The following PDE4D variants were observed in gnomAD, a reference collection of about 807,000 sequenced individuals.
The protein encoded by PDE4D is phosphodiesterase 4D.
A neutral mutation model predicts 87.4 loss-of-function variants in PDE4D; 24 were observed. That is an observed-to-expected ratio of 0.27 (90% CI 0.20 to 0.39). The LOEUF (loss-of-function observed/expected upper bound fraction) is 0.39, where lower values mean the gene tolerates loss of function less well. Among genes scored for constraint, PDE4D ranks in the 10% least tolerant of loss-of-function variants. The pLI is 1.00. For synonymous variants in PDE4D, 384 were observed against 383.2 expected, an observed-to-expected ratio of 1.00 and a Z score of -0.02; for missense variants, 714 against 1,041.0, an observed-to-expected ratio of 0.69 and a Z score of 4.32.
chr5:59,477,373 A>AAAAAAAAAAAAAT (rs1554190139), intron 1 of PDE4D, among the ~76,000 whole-genome samples: 3 of 143,056 alleles, frequency 2.1e-5, no homozygotes, highest in Non-Finnish European at 3.0e-5. Context: ...AAAAAAAAAA[A>AAAAAAAAAAAAAT]ATTAAAGAAT....
At chr5:59,200,684 CAT>C (rs1747078439) in intron 2 of PDE4D, among the ~76,000 whole-genome samples, 1 of 96,806 alleles carries the variant, frequency 1.0e-5, no homozygotes. Flanking sequence ...TACACGTATA[CAT>C]ACATATGTGT....
chr5:60,505,238 A>C (rs1009260347), intron 1 of PDE4D, among the ~76,000 whole-genome samples: 8 of 152,296 alleles, frequency 5.3e-5, no homozygotes, highest in African/African-American at 1.9e-4. Context: ...ACTATTCTCC[A>C]TGCTCGTCAG....
intron 1 of PDE4D, among the ~76,000 whole-genome samples, chr5:60,509,217 A>G (rs930491519): frequency 3.3e-5 from 5 of 152,186 alleles, no homozygotes; most frequent in African/African-American, 1.2e-4. Flanking sequence ...AAGCCATTTC[A>G]CATGACAAAA....
At chr5:59,472,982 G>T (rs1399589594) in intron 1 of PDE4D, among the ~76,000 whole-genome samples, 1 of 148,886 alleles carries the variant, frequency 6.7e-6, no homozygotes, top group African/African-American at 2.5e-5. Context: ...ACAGGAGGAA[G>T]TTTAATCTAG....
Position 60,468,847 on chromosome 5 carries a change from G to T in PDE4D, c.-90+19095C>A, listed in dbSNP as rs372253872. 1.2e-3 allele frequency among the ~76,000 whole-genome samples: 188 copies of T among 152,098 alleles called. 1 individual carries two copies. Among genetic ancestry groups the T allele is most frequent in the African/African-American group, 4.5e-3 (185 of 41,500 alleles). The stretch of plus-strand genomic sequence containing the variant: ...GCCCAGCCTTCCCTCCAATCTTGAA[G>T]CAGTGTCTCTATTTCTTCCTGAGAC... On this transcript the variant is annotated intron_variant, in intron 1 of 16. Transcript: ENST00000502484.
rs1747043438 is a variant in PDE4D, at chr5:59,200,663, GTATGTATAGA to G, written c.648-7137_648-7128del. Among the ~76,000 whole-genome samples the G allele has an allele frequency of 2.6e-5, 2 of 76,952 alleles. 1 individual carries two copies. Among genetic ancestry groups the G allele is most frequent in the Non-Finnish European group, 5.5e-5 (2 of 36,212 alleles). The allele number at this position is 76,952 out of a possible 152,430, so 50.5% of individuals were successfully genotyped here. On this transcript the variant is annotated intron_variant, in intron 2 of 14. Transcript: ENST00000340635. ...CAGATACACGTATACATACATATGT[GTATGTATAGA>G]TACACGTATACATACATATGTGTAT...
intron 1 of PDE4D, among the ~76,000 whole-genome samples, chr5:59,412,436 G>T (rs930281662): frequency 1.3e-5 from 2 of 152,144 alleles, no homozygotes; most frequent in African/African-American, 4.8e-5. Flanking sequence ...ATTACGCTCT[G>T]CTTAGGGCAA....
intron 1 of PDE4D, among the ~76,000 whole-genome samples, chr5:59,348,399 T>A (rs984826249): frequency 6.6e-6 from 1 of 151,862 alleles, no homozygotes; most frequent in Non-Finnish European, 1.5e-5. Context: ...GTGAGAGAAT[T>A]TTTTGGCACA....
intron 2 of PDE4D, among the ~76,000 whole-genome samples, chr5:59,212,356 T>C (rs1750267426): frequency 6.6e-6 from 1 of 151,964 alleles, no homozygotes; most frequent in African/African-American, 2.4e-5. Flanking sequence ...TTTCTAGGAG[T>C]TGGTATCAAA....
chr5:59,834,435 CA>C (rs1280396361), intron 1 of PDE4D, among the ~76,000 whole-genome samples: 1 of 151,924 alleles, frequency 6.6e-6, no homozygotes, highest in Non-Finnish European at 1.5e-5. Context: ...ACCACATTAG[CA>C]AAAGATTTAA....
chr5:60,083,801 A>G (rs1774237540), intron 2 of PDE4D, among the ~76,000 whole-genome samples: 2 of 152,220 alleles, frequency 1.3e-5, no homozygotes, highest in Non-Finnish European at 2.9e-5. Flanking sequence ...ACTTTAAGTA[A>G]CAGTCTTAAT....
At chr5:59,317,580 G>C (rs144431221) in intron 1 of PDE4D, among the ~76,000 whole-genome samples, 1 of 152,020 alleles carries the variant, frequency 6.6e-6, no homozygotes, top group Non-Finnish European at 1.5e-5. Context: ...GTCAGATTAC[G>C]TCTGACTGAA....
Position 58,974,877 on chromosome 5 carries a change from A to G in PDE4D, c.2217T>C (p.Thr739=), listed in dbSNP as rs1370418386. 1 of 1,612,454 alleles carries G rather than the reference A, an allele frequency of 6.2e-7. No homozygotes were observed. ...TGTCTGACTCACCATCTTCCTCTAA[A>G]GTTAGTTCAAACTGGAATTTCTCAG... ...GQTEKFQFEL[T]LEEDGESDTE... Residue 739 remains threonine (T), a synonymous_variant, in exon 15 of 15, where the codon ACT becomes ACC. Coordinates refer to ENST00000340635, the MANE Select transcript of PDE4D (RefSeq NM_001104631.2).
rs1491252291 is a variant in PDE4D, at chr5:60,474,105, C to CATATATATATATGTGTATATATAT, written c.-90+13836_-90+13837insATATATATACACATATATATATAT. 5.8e-4 allele frequency among the ~76,000 whole-genome samples: 18 copies of CATATATATATATGTGTATATATAT among 31,000 alleles called. 1 individual carries two copies. Among genetic ancestry groups the CATATATATATATGTGTATATATAT allele is most frequent in the Admixed American group, 2.8e-3 (5 of 1,812 alleles). 20.3% of individuals were successfully genotyped at this position (31,000 alleles called of 152,430 possible). A position where few individuals can be genotyped will look rare whatever the true frequency, so the allele number is the denominator to read the frequency against. On this transcript the variant is annotated intron_variant, in intron 1 of 16. Transcript: ENST00000502484. ...TACTGTCTCAGTCCCTTTGAGCTGCCATATATATATATATATATATATATA... is the reference window on the plus strand; with the variant it reads ...TACTGTCTCAGTCCCTTTGAGCTGCCATATATATATATGTGTATATATATATATATATATATATATATATATATA...
chr5:59,920,438 C>T (rs1212078667), intron 3 of PDE4D, among the ~76,000 whole-genome samples: 1 of 152,068 alleles, frequency 6.6e-6, no homozygotes, highest in African/African-American at 2.4e-5. Context: ...TGTAAATTGG[C>T]TTTGTGGTAT....
chr5:60,151,007 T>C (rs1311556643), intron 2 of PDE4D, among the ~76,000 whole-genome samples: 4 of 152,098 alleles, frequency 2.6e-5, no homozygotes, highest in African/African-American at 7.2e-5. Flanking sequence ...CTTAAAACAA[T>C]AAAAAGTAAC....
intron 1 of PDE4D, among the ~76,000 whole-genome samples, chr5:60,320,286 A>G (rs1028549475): frequency 1.3e-5 from 2 of 152,260 alleles, no homozygotes; most frequent in African/African-American, 4.8e-5. Flanking sequence ...TGAGCCATGC[A>G]CGGGATATAA....
intron 1 of PDE4D, among the ~76,000 whole-genome samples, chr5:59,803,695 T>C (rs1767418320): frequency 6.6e-6 from 1 of 152,136 alleles, no homozygotes; most frequent in Non-Finnish European, 1.5e-5. Context: ...TAAGGTTTTC[T>C]TGAAAATAAA....
intron 1 of PDE4D, among the ~76,000 whole-genome samples, chr5:59,250,841 C>T (rs533604816): frequency 6.6e-6 from 1 of 152,160 alleles, no homozygotes; most frequent in East Asian, 1.9e-4. Flanking sequence ...CCAGATAGAC[C>T]AATGGATCAG....
Sources: gnomAD v4.1 joint callset for allele counts (sites outside exome capture counted in the v4.1 genomes callset) on GRCh38, gnomAD v4.1.1 for gene constraint, MANE v1.5 for transcripts, NCBI Gene and HGNC (gene_info 2026-07-23, HGNC 2026-07-21) for gene names.